The following KLF12 variants were observed in gnomAD, a reference collection of about 807,000 sequenced individuals.
The protein encoded by KLF12 is KLF transcription factor 12, also known as Krueppel-like factor 12.
Under a neutral mutation model 37.8 loss-of-function variants are expected in KLF12, and 9 were observed. That is an observed-to-expected ratio of 0.24 (90% CI 0.14 to 0.42). KLF12 has a LOEUF of 0.42. KLF12 is among the 10% of genes least tolerant of loss of function. The pLI is 1.00. For missense variants in KLF12, 411 were observed against 516.0 expected (o/e 0.80, Z 1.97); for synonymous variants, 208 against 202.1 (o/e 1.03, Z -0.25).
chr13:74,139,140 T>C, the KLF12 span, among the ~76,000 whole-genome samples: 1 of 152,234 alleles, frequency 6.6e-6, no homozygotes, highest in Non-Finnish European at 1.5e-5. Flanking sequence ...AAGATTAAGA[T>C]TTATTAGATG....
At chr13:73,903,613 G>T (rs953574804) in intron 3 of KLF12, among the ~76,000 whole-genome samples, 4 of 152,182 alleles carry the variant, frequency 2.6e-5, no homozygotes, top group African/African-American at 9.7e-5. Flanking sequence ...TTGGGTGTGT[G>T]GGAAGGTTCA....
chr13:73,917,272 T>TAC (rs1471796246), intron 3 of KLF12, among the ~76,000 whole-genome samples: 1 of 152,194 alleles, frequency 6.6e-6, no homozygotes, highest in Non-Finnish European at 1.5e-5. Context: ...GCACTTACTA[T>TAC]ACTAATAAAT....
In KLF12 at chr13:73,962,044, T is replaced by C. The variant is rs182121123; in HGVS notation, c.34-17974A>G. The C allele has an allele frequency of 1.1e-5, 5 of 453,858 alleles. No homozygotes were observed. In the East Asian group the frequency reaches 2.8e-4, roughly 25 times the overall value. 28.1% of individuals were successfully genotyped at this position (453,858 alleles called of 1,614,324 possible). A position where few individuals can be genotyped will look rare whatever the true frequency, so the allele number is the denominator to read the frequency against. On this transcript the variant is annotated intron_variant, in intron 2 of 7. Transcript: ENST00000377669. ...CCATGCAACCTTTATAGCAGCATTA[T>C]TCATAATCCCCAAGGCTTGGAAGCA...
the KLF12 span, among the ~76,000 whole-genome samples, chr13:74,171,144 A>T: frequency 6.6e-6 from 1 of 152,214 alleles, no homozygotes. Flanking sequence ...CCTTCAAACC[A>T]GGTCTCCTGA....
intron 1 of KLF12, among the ~76,000 whole-genome samples, chr13:74,129,459 A>T (rs1410396014): frequency 6.6e-6 from 1 of 152,178 alleles, no homozygotes; most frequent in Non-Finnish European, 1.5e-5. Context: ...GCCAGCAGGT[A>T]GTTATCGTGG....
intron 4 of KLF12, among the ~76,000 whole-genome samples, chr13:73,839,565 A>G (rs1004172098): frequency 1.3e-5 from 2 of 152,348 alleles, no homozygotes; most frequent in South Asian, 4.1e-4. Context: ...TGTTGATCTT[A>G]TAATTTCTGG....
the KLF12 span, among the ~76,000 whole-genome samples, chr13:74,241,946 A>G: frequency 7.2e-5 from 11 of 152,078 alleles, no homozygotes; most frequent in African/African-American, 1.2e-4. Context: ...AGCTGTTCCT[A>G]TTTGGCCATC....
chr13:74,087,338 A>AT (rs34876792), intron 1 of KLF12, among the ~76,000 whole-genome samples: 3,693 of 145,898 alleles, frequency 0.025, 58 homozygotes, highest in African/African-American at 0.033. Context: ...TTTAAAAAAA[A>AT]TTTTTTTTTT....
chr13:74,285,205 G>A, the KLF12 span, among the ~76,000 whole-genome samples: 2 of 151,396 alleles, frequency 1.3e-5, no homozygotes, highest in Admixed American at 1.3e-4. Flanking sequence ...ACACCATGGA[G>A]AATTTGGCTT....
chr13:74,265,641 T>C, the KLF12 span, among the ~76,000 whole-genome samples: 1 of 152,222 alleles, frequency 6.6e-6, no homozygotes, highest in African/African-American at 2.4e-5. Flanking sequence ...GTTCAGGTGA[T>C]AGAGTCTTGA....
At chr13:73,841,836 G>T (rs4288882) in intron 4 of KLF12, among the ~76,000 whole-genome samples, 53,648 of 152,004 alleles carry the variant, frequency 0.35, 10,151 homozygotes, top group Non-Finnish European at 0.44. Flanking sequence ...CTTGTCCTTA[G>T]GTATCAAGTG....
chr13:74,040,427 G>A (rs78155377), intron 1 of KLF12, among the ~76,000 whole-genome samples: 24,534 of 152,140 alleles, frequency 0.16, 2,193 homozygotes, highest in African/African-American at 0.24. Context: ...TGGATGCACT[G>A]GCCATCTGCA....
At chr13:73,996,007 C>T (rs751957335) in intron 1 of KLF12, among the ~76,000 whole-genome samples, 1 of 152,190 alleles carries the variant, frequency 6.6e-6, no homozygotes, top group Non-Finnish European at 1.5e-5. Context: ...AGCACTGGGC[C>T]TGGTTTCCTG....
At chr13:74,247,550 C>G in the KLF12 span, among the ~76,000 whole-genome samples, 1 of 152,320 alleles carries the variant, frequency 6.6e-6, no homozygotes, top group South Asian at 2.1e-4. Context: ...AGCACTTTCT[C>G]TTGTAATTCA....
At chr13:73,773,449 G>A (rs1044065575) in intron 5 of KLF12, among the ~76,000 whole-genome samples, 1 of 152,132 alleles carries the variant, frequency 6.6e-6, no homozygotes, top group Non-Finnish European at 1.5e-5. Flanking sequence ...TTTTCCTTCA[G>A]TGTTGCTTTG....
intron 2 of KLF12, among the ~76,000 whole-genome samples, chr13:73,988,203 C>T (rs1891878696): frequency 6.6e-6 from 1 of 152,190 alleles, no homozygotes; most frequent in Non-Finnish European, 1.5e-5. Flanking sequence ...TTTGCATTTG[C>T]TAAGAATTTT....
chr13:73,844,796 G>A (rs1341453271), intron 4 of KLF12: 1 of 152,086 alleles, frequency 6.6e-6, no homozygotes, highest in Non-Finnish European at 1.5e-5. Flanking sequence ...TTAATTACAG[G>A]CCTCAGTAGT....
At chr13:74,258,957 A>T in the KLF12 span, 1 of 152,296 alleles carries the variant, frequency 6.6e-6, no homozygotes, top group Non-Finnish European at 1.5e-5. Context: ...GCGCTGGAAG[A>T]CTGAGTAGAA....
chr13:73,807,710 T>C (rs1882721001), intron 5 of KLF12, among the ~76,000 whole-genome samples: 1 of 152,130 alleles, frequency 6.6e-6, no homozygotes, highest in Non-Finnish European at 1.5e-5. Context: ...AGTTAAACAG[T>C]AACATGTAAT....
Sources: gnomAD v4.1 joint callset for allele counts (sites outside exome capture counted in the v4.1 genomes callset) on GRCh38, gnomAD v4.1.1 for gene constraint, MANE v1.5 for transcripts, NCBI Gene and HGNC (gene_info 2026-07-23, HGNC 2026-07-21) for gene names.